FAM83B: variants seen among roughly 807,000 people sequenced by gnomAD.
The protein encoded by FAM83B is protein FAM83B.
Under a neutral mutation model 38.8 loss-of-function variants are expected in FAM83B, and 26 were observed. The observed-to-expected ratio is 0.67, with a 90% CI of 0.49 to 0.93. The LOEUF is 0.93. FAM83B is among the 40% of genes least tolerant of loss of function. The pLI, the probability that FAM83B is intolerant of heterozygous loss-of-function variation, is 0.00. For synonymous variants in FAM83B, 419 were observed against 423.1 expected (o/e 0.99, Z 0.12); for missense variants, 1,237 against 1,197.3 (o/e 1.03, Z -0.49).
chr6:54,895,505 A>G (rs747532138), intron 2 of FAM83B, among the ~76,000 whole-genome samples: 2 of 152,196 alleles, frequency 1.3e-5, no homozygotes, highest in South Asian at 2.1e-4. Context: ...CTTTTAAGCA[A>G]TATTACTTTT....
chr6:54,854,687 T>C (rs10807484), intron 1 of FAM83B, among the ~76,000 whole-genome samples: 50,434 of 152,104 alleles, frequency 0.33, 9,719 homozygotes, highest in Non-Finnish European at 0.44. Context: ...AAAAAATTTG[T>C]GTAACTCATT....
intron 1 of FAM83B, among the ~76,000 whole-genome samples, chr6:54,869,047 C>A (rs148186987): frequency 3.3e-5 from 5 of 152,286 alleles, no homozygotes; most frequent in South Asian, 2.1e-4. Flanking sequence ...ATTGAGAGAG[C>A]CCATTCCAGT....
intron 1 of FAM83B, among the ~76,000 whole-genome samples, chr6:54,863,776 T>C (rs1050458406): frequency 2.0e-5 from 3 of 152,222 alleles, no homozygotes; most frequent in African/African-American, 7.2e-5. Flanking sequence ...ATTTTGCCAC[T>C]TTGTCACTAT....
chr6:54,867,279 TC>T (rs1415873250), intron 1 of FAM83B, among the ~76,000 whole-genome samples: 1 of 151,968 alleles, frequency 6.6e-6, no homozygotes, highest in Non-Finnish European at 1.5e-5. Context: ...CTTTATTAAG[TC>T]TATAATTAAA....
At chr6:54,865,878 A>T (rs1422143139) in intron 1 of FAM83B, among the ~76,000 whole-genome samples, 3 of 152,014 alleles carry the variant, frequency 2.0e-5, no homozygotes, top group Non-Finnish European at 4.4e-5. Context: ...ATGAAAAAAC[A>T]TCTCTTTTCA....
intron 2 of FAM83B, among the ~76,000 whole-genome samples, chr6:54,905,878 C>G (rs1267081177): frequency 6.6e-6 from 1 of 151,644 alleles, no homozygotes; most frequent in Non-Finnish European, 1.5e-5. Flanking sequence ...CCCATTTGCC[C>G]CCTATAAACA....
In FAM83B at chr6:54,944,891, C is replaced by T. The variant is rs1445996265; in HGVS notation, c.*2884C>T. ...ATAAAATGATAAACCAAAGAGTCAA[C>T]TTGTTAACTTTTCTTTTTTAAGAGA... On this transcript the variant is annotated 3_prime_UTR_variant, in exon 5 of 5. Transcript: ENST00000306858. 4.6e-5 allele frequency: 7 copies of T among 152,034 alleles called. No homozygotes were observed. The highest frequency in any genetic ancestry group is 3.3e-4 in the Admixed American group (5 of 15,258). The allele number at this position is 152,034 out of a possible 1,614,324, so 9.4% of individuals were successfully genotyped here. A position where few individuals can be genotyped will look rare whatever the true frequency, so the allele number is the denominator to read the frequency against.
intron 1 of FAM83B, among the ~76,000 whole-genome samples, chr6:54,859,300 T>C (rs1771522114): frequency 6.6e-6 from 1 of 152,176 alleles, no homozygotes; most frequent in Non-Finnish European, 1.5e-5. Context: ...GACCTCATGA[T>C]CTGCACACCT....
chr6:54,891,950 C>A (rs907545410), intron 2 of FAM83B, among the ~76,000 whole-genome samples: 1 of 152,120 alleles, frequency 6.6e-6, no homozygotes, highest in African/African-American at 2.4e-5. Context: ...AGCCAGCACA[C>A]CTGGCCACAG....
At chr6:54,854,633 A>G (rs1317034403) in intron 1 of FAM83B, among the ~76,000 whole-genome samples, 1 of 152,250 alleles carries the variant, frequency 6.6e-6, no homozygotes, top group Non-Finnish European at 1.5e-5. Flanking sequence ...TTAATAAGCC[A>G]CAGTATAATG....
At chr6:54,869,275 C>T (rs1487670831) in intron 1 of FAM83B, among the ~76,000 whole-genome samples, 1 of 152,184 alleles carries the variant, frequency 6.6e-6, no homozygotes, top group African/African-American at 2.4e-5. Flanking sequence ...CTGTCCACTT[C>T]CTCACTGCGT....
intron 2 of FAM83B, among the ~76,000 whole-genome samples, chr6:54,919,503 C>T (rs1468147485): frequency 1.3e-5 from 2 of 151,926 alleles, no homozygotes; most frequent in Non-Finnish European, 2.9e-5. Context: ...AGATTTTTCC[C>T]CCCACTTTCA....
Position 54,862,849 on chromosome 6 carries a change from A to C in FAM83B, c.-60-7338A>C, listed in dbSNP as rs1180765163. Among the ~76,000 whole-genome samples the C allele has an allele frequency of 2.0e-5, 3 of 150,812 alleles. No homozygotes were observed. The East Asian group carries it at 5.8e-4, about 29-fold the overall frequency. ...CAGTGAGCCGAGATCGCGCCATTGC[A>C]CTCCAGGCTGGGTGCAAAAACCCCC... On this transcript the variant is annotated intron_variant, in intron 1 of 4. Coordinates refer to ENST00000306858, the MANE Select transcript of FAM83B (RefSeq NM_001010872.3).
intron 4 of FAM83B, among the ~76,000 whole-genome samples, chr6:54,931,373 A>G (rs1773416357): frequency 6.6e-6 from 1 of 152,118 alleles, no homozygotes; most frequent in Admixed American, 6.6e-5. Context: ...CATTATTGAA[A>G]GTAGAGTATT....
chr6:54,927,589 T>G lies in FAM83B; in HGVS notation c.691T>G (p.Phe231Val). The G allele has an allele frequency of 6.2e-7, 1 of 1,608,122 alleles. No individual in the cohort carries two copies. Among genetic ancestry groups the G allele is most frequent in the Non-Finnish European group, 8.5e-7 (1 of 1,176,426 alleles). The change falls in exon 4 of 5, where the codon TTT (phenylalanine) becomes GTT (valine). Residue 231 changes from phenylalanine to valine, a missense_variant. By Grantham distance (50) the Phe-to-Val change is conservative. Coordinates refer to ENST00000306858, the MANE Select transcript of FAM83B (RefSeq NM_001010872.3). The part of the protein sequence containing the change: ...AKFHGKMEQK[F>V]LLVDCQKVMY... The stretch of plus-strand genomic sequence containing the variant: ...ATTCCATGGAAAAATGGAACAGAAA[T>G]TTTTGTTAGTTGACTGCCAGAAAGT...
intron 2 of FAM83B, among the ~76,000 whole-genome samples, chr6:54,910,765 A>G (rs1194046764): frequency 2.0e-5 from 3 of 152,198 alleles, no homozygotes; most frequent in African/African-American, 7.2e-5. Context: ...ACCCTGAATG[A>G]TAGAATCCCC....
In FAM83B at chr6:54,934,538, C is replaced by T. The variant is rs189904701; in HGVS notation, c.735-5168C>T. On this transcript the variant is annotated intron_variant, in intron 4 of 4. Transcript: ENST00000306858. ...GTCAAAGGAGATGGAATTTGGAATG[C>T]AGTCAGAATATGATCCTAACTGAAG... 6.7e-3 allele frequency among the ~76,000 whole-genome samples: 1,020 copies of T among 152,196 alleles called. 14 individuals carry two copies. The highest frequency in any genetic ancestry group is 0.024 in the African/African-American group (984 of 41,528).
intron 1 of FAM83B, among the ~76,000 whole-genome samples, chr6:54,854,949 T>G (rs1432216089): frequency 6.6e-6 from 1 of 152,222 alleles, no homozygotes; most frequent in Non-Finnish European, 1.5e-5. Context: ...ACGTGTGCAA[T>G]GGTCATCTGA....
At chr6:54,854,812 C>T (rs1771404484) in intron 1 of FAM83B, among the ~76,000 whole-genome samples, 1 of 152,118 alleles carries the variant, frequency 6.6e-6, no homozygotes, top group Admixed American at 6.5e-5. Context: ...ATTTTATTTT[C>T]TAGTAGCTAA....
Sources: allele counts gnomAD v4.1 joint callset (sites outside exome capture counted in the v4.1 genomes callset), GRCh38; gene constraint gnomAD v4.1.1; transcripts MANE v1.5; gene names NCBI Gene and HGNC (gene_info 2026-07-23, HGNC 2026-07-21).